Variants in SAMSN1 observed in about 807,000 individuals in gnomAD.
SAMSN1 encodes SAM domain-containing protein SAMSN-1.
A neutral mutation model predicts 42.0 loss-of-function variants in SAMSN1; 31 were observed. The ratio of observed to expected loss-of-function variants is 0.74; its 90% CI spans 0.55 to 1.00. The LOEUF is 1.00. Ranked by LOEUF, SAMSN1 falls within the 50% of genes least tolerant of loss-of-function variation. The pLI is 0.00. For missense variants in SAMSN1, 464 were observed against 439.4 expected, an observed-to-expected ratio of 1.06 and a Z score of -0.50; for synonymous variants, 178 against 151.9, an observed-to-expected ratio of 1.17 and a Z score of -1.26.
chr21:14,536,399 C>T (rs1239471935), intron 1 of SAMSN1, among the ~76,000 whole-genome samples: 2 of 152,166 alleles, frequency 1.3e-5, no homozygotes, highest in Non-Finnish European at 2.9e-5. Context: ...AATACAATAT[C>T]CAAATTTCCA....
chr21:14,623,166 T>A (rs888506384), intron 2 of SAMSN1, among the ~76,000 whole-genome samples: 2 of 152,108 alleles, frequency 1.3e-5, no homozygotes, highest in Admixed American at 6.6e-5. Context: ...TGCAAAAACA[T>A]GACAAATTGT....
intron 1 of SAMSN1, among the ~76,000 whole-genome samples, chr21:14,542,662 T>C (rs1403358891): frequency 1.3e-5 from 2 of 152,196 alleles, no homozygotes; most frequent in Non-Finnish European, 2.9e-5. Flanking sequence ...CAGCCAGTTG[T>C]GGTTGCTCAT....
chr21:14,490,920 A>T (rs1012539209), intron 7 of SAMSN1, among the ~76,000 whole-genome samples: 11 of 152,174 alleles, frequency 7.2e-5, no homozygotes, highest in African/African-American at 2.7e-4. Context: ...ACTCAAGATC[A>T]CGATAACTCA....
chr21:14,643,878 G>C (rs1983654215), intron 1 of SAMSN1, among the ~76,000 whole-genome samples: 1 of 152,208 alleles, frequency 6.6e-6, no homozygotes, highest in African/African-American at 2.4e-5. Context: ...GGAGAACACA[G>C]CCATCGTGCG....
rs1193213765 is a variant in SAMSN1, at chr21:14,539,708, G to A, written c.57+6497C>T. On this transcript the variant is annotated intron_variant, in intron 1 of 7. Coordinates refer to ENST00000400566, the MANE Select transcript of SAMSN1 (RefSeq NM_022136.5). ...GGGAAGAATCAATATCGTGAAAATG[G>A]CCACACTGCCCAAGGTAATTTATAG... Among the ~76,000 whole-genome samples, 4 of 152,136 alleles carry A rather than the reference G, an allele frequency of 2.6e-5. No individual in the cohort carries two copies. In the East Asian group the frequency reaches 7.7e-4, roughly 29 times the overall value.
chr21:14,626,810 A>G lies in SAMSN1; in HGVS notation c.157-10794T>C, dbSNP rs558628581. On this transcript the variant is annotated intron_variant, in intron 2 of 15. Transcript: ENST00000647101. ...CCAAAGGATTATAAATCATGCTGCTATAAAGACACATGCACACGTATGTTT... is the reference window on the plus strand; with the variant it reads ...CCAAAGGATTATAAATCATGCTGCTGTAAAGACACATGCACACGTATGTTT... Among the ~76,000 whole-genome samples, 27 of 152,352 alleles carry G rather than the reference A, an allele frequency of 1.8e-4. No homozygotes were observed. The East Asian group carries it at 4.8e-3, about 27-fold the overall frequency.
upstream of SAMSN1, chr21:14,583,604 G>A (rs570856013): frequency 2.3e-5 from 16 of 709,126 alleles, no homozygotes; most frequent in African/African-American, 2.5e-4. Context: ...TGCTTCCTTA[G>A]TTCTCCCTCA....
chr21:14,513,143 A>T (rs1367327596), intron 3 of SAMSN1, among the ~76,000 whole-genome samples: 11 of 152,266 alleles, frequency 7.2e-5, no homozygotes, highest in Admixed American at 7.2e-4. Flanking sequence ...AATCTTGCAT[A>T]AAATTAGAAA....
Position 14,577,284 on chromosome 21 carries a change from A to ATTTTTT in SAMSN1, c.261+4846_261+4851dup, listed in dbSNP as rs58491748. 4.3e-3 allele frequency among the ~76,000 whole-genome samples: 233 copies of ATTTTTT among 53,814 alleles called. 25 individuals carry two copies. Among genetic ancestry groups the ATTTTTT allele is most frequent in the African/African-American group, 0.018 (217 of 11,844 alleles). The allele number at this position is 53,814 out of a possible 152,430, so 35.3% of individuals were successfully genotyped here. A position where few individuals can be genotyped will look rare whatever the true frequency, so the allele number is the denominator to read the frequency against. On this transcript the variant is annotated intron_variant, in intron 2 of 8. Coordinates refer to the SAMSN1 transcript ENST00000285670. Reference sequence around the variant, plus strand: ...TATATATATATATATATATATATATATTTTTTTTTTAGAAGAGACAGGGTT... The same window carrying ATTTTTT: ...TATATATATATATATATATATATATATTTTTTTTTTTTTTTTAGAAGAGACAGGGTT...
intron 1 of SAMSN1, among the ~76,000 whole-genome samples, chr21:14,524,249 C>T (rs1727416241): frequency 6.6e-6 from 1 of 152,008 alleles, no homozygotes; most frequent in Admixed American, 6.6e-5. Flanking sequence ...AATAATAGTA[C>T]TTAATAAATG....
chr21:14,599,563 G>A (rs1196242533), intron 6 of SAMSN1, among the ~76,000 whole-genome samples: 1 of 152,128 alleles, frequency 6.6e-6, no homozygotes, highest in Non-Finnish European at 1.5e-5. Context: ...GCAGGTGTTT[G>A]GGTTATGGGG....
chr21:14,644,319 G>T (rs552759097), intron 1 of SAMSN1, among the ~76,000 whole-genome samples: 5 of 151,030 alleles, frequency 3.3e-5, no homozygotes, highest in Admixed American at 2.0e-4. Context: ...TTGCATCGAG[G>T]GTACCAGCTC....
chr21:14,631,656 T>C (rs1341942986), intron 2 of SAMSN1, among the ~76,000 whole-genome samples: 1 of 152,172 alleles, frequency 6.6e-6, no homozygotes, highest in African/African-American at 2.4e-5. Context: ...TAAGCCACCA[T>C]GCCCCACCCA....
At chr21:14,618,285 T>C (rs1378845004) in intron 2 of SAMSN1, among the ~76,000 whole-genome samples, 1 of 152,204 alleles carries the variant, frequency 6.6e-6, no homozygotes, top group Non-Finnish European at 1.5e-5. Flanking sequence ...AGTTAATGTA[T>C]TTCTCCTTAG....
chr21:14,494,904 T>C (rs1986850207), intron 7 of SAMSN1, among the ~76,000 whole-genome samples: 1 of 152,214 alleles, frequency 6.6e-6, no homozygotes, highest in African/African-American at 2.4e-5. Flanking sequence ...TTGTCTTTTC[T>C]ACATTATCTC....
chr21:14,570,577 C>A (rs1981267977), intron 2 of SAMSN1, among the ~76,000 whole-genome samples: 2 of 152,158 alleles, frequency 1.3e-5, no homozygotes, highest in Non-Finnish European at 2.9e-5. Context: ...TTGAATAGAG[C>A]TTTTCGGTTG....
intron 7 of SAMSN1, among the ~76,000 whole-genome samples, chr21:14,489,890 T>C (rs929130543): frequency 6.6e-6 from 1 of 152,144 alleles, no homozygotes; most frequent in African/African-American, 2.4e-5. Flanking sequence ...AATAATTATA[T>C]TGGAATTTTG....
chr21:14,596,113 G>A (rs1055512457), intron 6 of SAMSN1, among the ~76,000 whole-genome samples: 8 of 151,924 alleles, frequency 5.3e-5, no homozygotes, highest in East Asian at 3.9e-4. Flanking sequence ...TTCTTTAAAC[G>A]TGAAAGTACA....
intron 3 of SAMSN1, among the ~76,000 whole-genome samples, chr21:14,514,977 G>A (rs2822714): frequency 0.32 from 49,042 of 151,898 alleles, 8,138 homozygotes; most frequent in Non-Finnish European, 0.35. Context: ...CCAGGAACAA[G>A]CCTCAGGAAG....
Sources: gnomAD v4.1 joint callset for allele counts (sites outside exome capture counted in the v4.1 genomes callset) on GRCh38, gnomAD v4.1.1 for gene constraint, MANE v1.5 for transcripts, NCBI Gene and HGNC (gene_info 2026-07-23, HGNC 2026-07-21) for gene names.